The following NOS1 variants were observed in gnomAD, a reference collection of about 807,000 sequenced individuals.
The protein encoded by NOS1 is NOS type I.
NOS1 carries 51 observed loss-of-function variants against 164.5 expected under a neutral mutation model. The observed-to-expected ratio is 0.31, with a 90% CI of 0.25 to 0.39. The LOEUF is 0.39. Among genes scored for constraint, NOS1 ranks in the 10% least tolerant of loss-of-function variants. The probability of loss-of-function intolerance (pLI) is 1.00; values close to 1 mark genes in which losing one functional copy is unlikely to be tolerated. For synonymous variants in NOS1, 719 were observed against 745.8 expected (o/e 0.96, Z 0.59); for missense variants, 1,362 against 1,885.6 (o/e 0.72, Z 5.14).
intron 26 of NOS1, 107 bp downstream of exon 26, chr12:117,222,608 G>A: frequency 1.9e-6 from 2 of 1,059,714 alleles, no homozygotes; most frequent in Non-Finnish European, 1.4e-6. Context: ...ACTTCATAGA[G>A]GGAAAATCAG....
chr12:117,353,033 TATCC>T (rs149359263), intron 1 of NOS1, among the ~76,000 whole-genome samples: 1,750 of 152,040 alleles, frequency 0.012, 31 homozygotes, highest in African/African-American at 0.038. Context: ...TCCATCCATC[TATCC>T]ATCCATCCAT....
At chr12:117,338,541 C>A (rs1875949479) in intron 1 of NOS1, among the ~76,000 whole-genome samples, 1 of 151,560 alleles carries the variant, frequency 6.6e-6, no homozygotes, top group Non-Finnish European at 1.5e-5. Context: ...TGCGGCACAC[C>A]AGCATGGCAC....
chr12:117,213,966 G>C lies in NOS1; in HGVS notation c.*1343C>G, dbSNP rs1267449094. 3.0e-6 allele frequency: 3 copies of C among 985,266 alleles called. No homozygotes were observed. The highest frequency in any genetic ancestry group is 3.6e-6 in the Non-Finnish European group (3 of 829,920). The allele number at this position is 985,266 out of a possible 1,614,324, so 61.0% of individuals were successfully genotyped here. On this transcript the variant is annotated 3_prime_UTR_variant, in exon 29 of 29. Coordinates refer to ENST00000317775, the MANE Select transcript of NOS1 (RefSeq NM_000620.5). ...AGACTTGGCTGCCCATTTTTGATCT[G>C]AGTTGAGGGTAACTTATTTGTCAAA... is the stretch of plus-strand genomic sequence containing the variant.
chr12:117,225,684 G>C (rs1868607404), intron 24 of NOS1, among the ~76,000 whole-genome samples: 1 of 152,002 alleles, frequency 6.6e-6, no homozygotes, highest in Admixed American at 6.6e-5. Flanking sequence ...CTGGAGTGCA[G>C]TAGTGTGATC....
chr12:117,294,463 C>T (rs1277703136), intron 3 of NOS1, among the ~76,000 whole-genome samples: 1 of 152,154 alleles, frequency 6.6e-6, no homozygotes, highest in Non-Finnish European at 1.5e-5. Flanking sequence ...CACCCTCCGC[C>T]CTGGGTTTCA....
intron 24 of NOS1, among the ~76,000 whole-genome samples, chr12:117,225,765 A>G (rs547592251): frequency 6.6e-6 from 1 of 152,110 alleles, no homozygotes; most frequent in African/African-American, 2.4e-5. Flanking sequence ...AGCTGGGATT[A>G]CAGGCACCCG....
chr12:117,222,622 G>T, intron 26 of NOS1, 93 bp downstream of exon 26: 2 of 1,199,620 alleles, frequency 1.7e-6, no homozygotes, highest in Non-Finnish European at 2.4e-6. Context: ...AAATCAGGAA[G>T]CTTAAGAGTG....
intron 3 of NOS1, among the ~76,000 whole-genome samples, chr12:117,306,781 G>A (rs1304961506): frequency 1.3e-5 from 2 of 152,018 alleles, no homozygotes; most frequent in Non-Finnish European, 2.9e-5. Flanking sequence ...CATCATGCCC[G>A]GCTAATTTTT....
At chr12:117,292,439 C>T (rs1219071460) in intron 3 of NOS1, among the ~76,000 whole-genome samples, 1 of 152,150 alleles carries the variant, frequency 6.6e-6, no homozygotes, top group Non-Finnish European at 1.5e-5. Flanking sequence ...CTTGGAGGAG[C>T]TCAGGCTGGT....
chr12:117,246,510 C>T (rs778631455), intron 18 of NOS1, among the ~76,000 whole-genome samples: 3 of 152,148 alleles, frequency 2.0e-5, no homozygotes, highest in Non-Finnish European at 1.5e-5. Flanking sequence ...TAAATATGCA[C>T]AATCCTGTGG....
intron 1 of NOS1, among the ~76,000 whole-genome samples, chr12:117,333,875 G>T (rs1875672052): frequency 6.6e-6 from 1 of 152,178 alleles, no homozygotes; most frequent in Non-Finnish European, 1.5e-5. Flanking sequence ...ATGTCCTGCA[G>T]GTACCAAACC....
chr12:117,353,029 CATCT>C (rs1245296605), intron 1 of NOS1, among the ~76,000 whole-genome samples: 7 of 152,022 alleles, frequency 4.6e-5, no homozygotes, highest in African/African-American at 9.7e-5. Flanking sequence ...TCCATCCATC[CATCT>C]ATCCATCCAT....
chr12:117,274,286 C>G (rs530548967), intron 9 of NOS1, among the ~76,000 whole-genome samples: 1 of 151,986 alleles, frequency 6.6e-6, no homozygotes, highest in Non-Finnish European at 1.5e-5. Context: ...ACAGTTAGGA[C>G]GGCAATTATA....
chr12:117,261,038 G>A (rs906869223), intron 13 of NOS1, among the ~76,000 whole-genome samples: 8 of 151,916 alleles, frequency 5.3e-5, no homozygotes, highest in South Asian at 4.2e-4. Context: ...GAGTGGCAGC[G>A]TGCGCCTGTA....
chr12:117,212,077 G>T lies in NOS1; in HGVS notation c.*3232C>A. ...CAAGACTCTGTCAAAAAAAAAAATAGATTCTAACCTTCTGCACGAGAGGAA... is the reference window on the plus strand; with the variant it reads ...CAAGACTCTGTCAAAAAAAAAAATATATTCTAACCTTCTGCACGAGAGGAA... On this transcript the variant is annotated 3_prime_UTR_variant, in exon 29 of 29. Coordinates refer to ENST00000317775, the MANE Select transcript of NOS1 (RefSeq NM_000620.5). 5 of 875,616 alleles carry T rather than the reference G, an allele frequency of 5.7e-6. No homozygotes were observed. The highest frequency in any genetic ancestry group is 6.6e-6 in the Non-Finnish European group (5 of 761,510). 54.2% of individuals were successfully genotyped at this position (875,616 alleles called of 1,614,324 possible). A position where few individuals can be genotyped will look rare whatever the true frequency, so the allele number is the denominator to read the frequency against.
intron 1 of NOS1, among the ~76,000 whole-genome samples, chr12:117,336,500 T>C (rs549725892): frequency 7.6e-4 from 115 of 152,306 alleles, no homozygotes; most frequent in African/African-American, 2.5e-3. Flanking sequence ...TCAGTTGCAA[T>C]GTGCTGCAAG....
At chr12:117,219,999 G>T in intron 27 of NOS1, 76 bp downstream of exon 27, 1 of 1,413,314 alleles carries the variant, frequency 7.1e-7, no homozygotes. Flanking sequence ...TAATCATCAA[G>T]ACAGGTTGGA....
chr12:117,359,876 TTA>T lies in NOS1; in HGVS notation c.-421+1634_-421+1635del, dbSNP rs56787288. 6.5e-4 allele frequency among the ~76,000 whole-genome samples: 24 copies of T among 36,958 alleles called. 2 individuals are homozygous for T. Among genetic ancestry groups the T allele is most frequent in the Non-Finnish European group, 1.1e-3 (20 of 17,918 alleles). The allele number at this position is 36,958 out of a possible 152,430, so 24.2% of individuals were successfully genotyped here. A position where few individuals can be genotyped will look rare whatever the true frequency, so the allele number is the denominator to read the frequency against. On this transcript the variant is annotated intron_variant, in intron 1 of 28. Coordinates refer to ENST00000317775, the MANE Select transcript of NOS1 (RefSeq NM_000620.5). The stretch of plus-strand genomic sequence containing the variant: ...GTCCCAGAGCATTACAATAATGGTT[TTA>T]TATATATATATATATATATATATAT...
intron 13 of NOS1, 39 bp downstream of exon 13, chr12:117,263,850 G>A: frequency 6.7e-7 from 1 of 1,487,626 alleles, no homozygotes; most frequent in Non-Finnish European, 9.4e-7. Context: ...CTGAGTTTGT[G>A]GGGACATCCA....
Sources: allele counts gnomAD v4.1 joint callset (sites outside exome capture counted in the v4.1 genomes callset), GRCh38; gene constraint gnomAD v4.1.1; transcripts MANE v1.5; gene names NCBI Gene and HGNC (gene_info 2026-07-23, HGNC 2026-07-21).